Variants in GRIK4 observed in about 807,000 individuals in gnomAD.
GRIK4 encodes glutamate receptor ionotropic, kainate 4.
GRIK4 carries 40 observed loss-of-function variants against 104.9 expected under a neutral mutation model. That is an observed-to-expected ratio of 0.38 (90% CI 0.30 to 0.50). The LOEUF (loss-of-function observed/expected upper bound fraction) is 0.50. GRIK4 is among the 20% of genes least tolerant of loss of function. The pLI is 0.93. For synonymous variants in GRIK4, 485 were observed against 524.9 expected (o/e 0.92, Z 1.04); for missense variants, 1,047 against 1,308.1 (o/e 0.80, Z 3.08).
intron 9 of GRIK4, 111 bp from the exon 10 acceptor site, chr11:120,873,955 T>G: frequency 4.1e-6 from 4 of 973,340 alleles, no homozygotes; most frequent in Non-Finnish European, 4.6e-6. Context: ...TTATTTCCCT[T>G]TCTTTTGCTT....
At chr11:120,865,376 C>T (rs890767190) in intron 9 of GRIK4, among the ~76,000 whole-genome samples, 3 of 152,188 alleles carry the variant, frequency 2.0e-5, no homozygotes, top group Admixed American at 6.5e-5. Context: ...TTATGTAGCC[C>T]GCGGACCTGT....
chr11:120,871,632 A>T (rs1488944499), intron 9 of GRIK4: 3 of 456,360 alleles, frequency 6.6e-6, no homozygotes, highest in Non-Finnish European at 1.3e-5. Context: ...GAGTTGGAGC[A>T]GGGGAGGCAG....
chr11:120,525,841 CCTCT>C (rs777349188), intron 1 of GRIK4, among the ~76,000 whole-genome samples: 1 of 151,836 alleles, frequency 6.6e-6, no homozygotes, highest in East Asian at 1.9e-4. Flanking sequence ...AGTTAGAGTC[CCTCT>C]CTCTACTCAC....
At chr11:120,706,042 C>T (rs1591820924) in intron 3 of GRIK4, among the ~76,000 whole-genome samples, 2 of 152,296 alleles carry the variant, frequency 1.3e-5, no homozygotes, top group Middle Eastern at 3.4e-3. Context: ...TTTCCAGCAT[C>T]GGGCCTGCTC....
At chr11:120,517,089 C>T (rs1313178567) in intron 1 of GRIK4, among the ~76,000 whole-genome samples, 1 of 148,988 alleles carries the variant, frequency 6.7e-6, no homozygotes, top group Middle Eastern at 3.2e-3. Flanking sequence ...CTGATATTCA[C>T]TGCCCTGGAA....
At chr11:120,666,201 G>C (rs1949911855) in intron 3 of GRIK4, among the ~76,000 whole-genome samples, 1 of 152,250 alleles carries the variant, frequency 6.6e-6, no homozygotes, top group South Asian at 2.1e-4. Context: ...TTTCCCCGGT[G>C]ACCTGCAAGG....
At chr11:120,846,247 T>C (rs1195554035) in intron 8 of GRIK4, among the ~76,000 whole-genome samples, 2 of 152,242 alleles carry the variant, frequency 1.3e-5, no homozygotes, top group East Asian at 3.8e-4. Flanking sequence ...CCAGCTATGA[T>C]TAAGCAATTT....
rs145622860 is a variant in GRIK4, at chr11:120,908,695, G to A, written c.1476+3202G>A. ...CACAGATGACTGTTCAGCCTGCAGA[G>A]GCCCTATGAAATGATTGCCTCACTA... On this transcript the variant is annotated intron_variant, in intron 13 of 20. Coordinates refer to ENST00000527524, the MANE Select transcript of GRIK4 (RefSeq NM_014619.5). 2.3e-3 allele frequency among the ~76,000 whole-genome samples: 349 copies of A among 152,296 alleles called. 3 individuals carry two copies. The highest frequency in any genetic ancestry group is 8.1e-3 in the African/African-American group (335 of 41,556).
chr11:120,853,617 A>G (rs779803013), intron 8 of GRIK4, among the ~76,000 whole-genome samples: 9 of 152,254 alleles, frequency 5.9e-5, no homozygotes, highest in Non-Finnish European at 8.8e-5. Context: ...TCTAAATTCT[A>G]GCTTGATTGA....
intron 1 of GRIK4, among the ~76,000 whole-genome samples, chr11:120,648,705 C>T (rs552967750): frequency 2.0e-5 from 3 of 152,126 alleles, no homozygotes; most frequent in Admixed American, 6.5e-5. Flanking sequence ...AGGGGGGATG[C>T]GGGCTAAGGG....
intron 1 of GRIK4, among the ~76,000 whole-genome samples, chr11:120,593,153 G>A (rs1948756326): frequency 6.8e-6 from 1 of 147,762 alleles, no homozygotes; most frequent in African/African-American, 2.5e-5. Flanking sequence ...TTGCATTCCA[G>A]CTGGGGCAAC....
chr11:120,752,440 G>T (rs1182434428), intron 3 of GRIK4, among the ~76,000 whole-genome samples: 2 of 152,160 alleles, frequency 1.3e-5, no homozygotes, highest in African/African-American at 4.8e-5. Flanking sequence ...GCCAAGGTGG[G>T]CAGGCCCCTG....
chr11:120,881,486 CTT>C (rs1339863635), intron 11 of GRIK4, among the ~76,000 whole-genome samples: 1 of 152,170 alleles, frequency 6.6e-6, no homozygotes, highest in Non-Finnish European at 1.5e-5. Flanking sequence ...GACAGCCAGA[CTT>C]TTGTTTTCCA....
intron 9 of GRIK4, among the ~76,000 whole-genome samples, chr11:120,863,720 ACATCTATACACTTGG>A (rs1222247929): frequency 6.6e-6 from 1 of 152,250 alleles, no homozygotes; most frequent in Non-Finnish European, 1.5e-5. Flanking sequence ...TCATATCTAG[ACATCTATACACTTGG>A]CATCTAATTA....
At chr11:120,783,811 G>A (rs1952210121) in intron 3 of GRIK4, among the ~76,000 whole-genome samples, 1 of 152,186 alleles carries the variant, frequency 6.6e-6, no homozygotes, top group Non-Finnish European at 1.5e-5. Flanking sequence ...ACCAAAGCAG[G>A]TTAGTTTCAA....
intron 11 of GRIK4, among the ~76,000 whole-genome samples, chr11:120,885,676 C>T (rs938343853): frequency 1.3e-5 from 2 of 152,172 alleles, no homozygotes; most frequent in African/African-American, 2.4e-5. Context: ...TGAGCCACCA[C>T]GCCTGGCCAG....
At chr11:120,732,427 A>C (rs904035117) in intron 3 of GRIK4, among the ~76,000 whole-genome samples, 1 of 152,178 alleles carries the variant, frequency 6.6e-6, no homozygotes, top group Non-Finnish European at 1.5e-5. Flanking sequence ...CACCATGCCC[A>C]GCCAACTTTT....
At chr11:120,645,892 G>A (rs548481887) in intron 1 of GRIK4, among the ~76,000 whole-genome samples, 1 of 152,208 alleles carries the variant, frequency 6.6e-6, no homozygotes, top group South Asian at 2.1e-4. Flanking sequence ...CCCTCCTGCC[G>A]GGTTTTGTTG....
intron 3 of GRIK4, among the ~76,000 whole-genome samples, chr11:120,710,697 G>C (rs1307082216): frequency 7.2e-5 from 11 of 152,234 alleles, no homozygotes; most frequent in Admixed American, 6.5e-4. Flanking sequence ...TCTGTGCCCA[G>C]AGGGCCTGGG....
Sources: allele counts gnomAD v4.1 joint callset (sites outside exome capture counted in the v4.1 genomes callset), GRCh38; gene constraint gnomAD v4.1.1; transcripts MANE v1.5; gene names NCBI Gene and HGNC (gene_info 2026-07-23, HGNC 2026-07-21).